MAP7D2: variants seen among roughly 807,000 people sequenced by gnomAD.
The protein encoded by MAP7D2 is MAP7 domain containing 2.
Under a neutral mutation model 63.5 loss-of-function variants are expected in MAP7D2, and 33 were observed. The observed-to-expected ratio is 0.52, with a 90% CI of 0.39 to 0.70. The LOEUF (loss-of-function observed/expected upper bound fraction) is 0.70. Among genes scored for constraint, MAP7D2 ranks in the 30% least tolerant of loss-of-function variants. MAP7D2 has a pLI of 0.00. For missense variants in MAP7D2, 626 were observed against 604.0 expected, an observed-to-expected ratio of 1.04 and a Z score of -0.38; for synonymous variants, 224 against 223.7, an observed-to-expected ratio of 1.00 and a Z score of -0.01.
chrX:20,047,329 A>G (rs1029580068), intron 6 of MAP7D2, among the ~76,000 whole-genome samples: 4 of 112,122 alleles, frequency 3.6e-5, no homozygotes, highest in African/African-American at 1.3e-4. Context: ...AGGGAACCAC[A>G]TGAGCCCTTG....
At chrX:20,048,809 G>C (rs1216846331) in intron 6 of MAP7D2, among the ~76,000 whole-genome samples, 1 of 109,653 alleles carries the variant, frequency 9.1e-6, no homozygotes, top group Non-Finnish European at 1.9e-5. Flanking sequence ...TGTGCCTGTA[G>C]TCCCAGCTAC....
chrX:20,042,112 G>T (rs183830807), intron 8 of MAP7D2, among the ~76,000 whole-genome samples: 1 of 111,072 alleles, frequency 9.0e-6, no homozygotes, highest in Non-Finnish European at 1.9e-5. Flanking sequence ...AGTTATTATT[G>T]TCTCTCTATT....
At chrX:20,099,114 C>T (rs1003785207) in intron 1 of MAP7D2, among the ~76,000 whole-genome samples, 3 of 112,606 alleles carry the variant, frequency 2.7e-5, no homozygotes, top group East Asian at 5.5e-4. Flanking sequence ...CACAGTACCT[C>T]CTATCCTGAG....
chrX:20,099,737 G>T (rs1192447340), intron 1 of MAP7D2, among the ~76,000 whole-genome samples: 1 of 112,050 alleles, frequency 8.9e-6, no homozygotes, highest in Non-Finnish European at 1.9e-5. Context: ...AGAGTCCAAG[G>T]AAAAGGAAAA....
intron 11 of MAP7D2, among the ~76,000 whole-genome samples, chrX:20,015,645 G>A (rs749986691): frequency 8.9e-6 from 1 of 112,365 alleles, no homozygotes; most frequent in East Asian, 2.8e-4. Context: ...CCCAGGGAGT[G>A]ACCTTCTACT....
chrX:20,024,742 C>T (rs964223456), intron 10 of MAP7D2, among the ~76,000 whole-genome samples: 13 of 111,894 alleles, frequency 1.2e-4, no homozygotes, highest in South Asian at 1.1e-3. Flanking sequence ...TCCAGGTCCT[C>T]CGAAAAGAAC....
At chrX:20,070,176 T>C (rs2065466106) in intron 1 of MAP7D2, among the ~76,000 whole-genome samples, 1 of 111,698 alleles carries the variant, frequency 9.0e-6, no homozygotes, top group African/African-American at 3.2e-5. Flanking sequence ...CTCAAACTCC[T>C]GACCTCGTAA....
At chrX:20,111,150 G>C (rs948361593) in intron 1 of MAP7D2, among the ~76,000 whole-genome samples, 11 of 111,586 alleles carry the variant, frequency 9.9e-5, no homozygotes, top group African/African-American at 3.6e-4. Flanking sequence ...GCTCCCAGCA[G>C]ACCAGCAGAC....
chrX:20,027,419 G>A (rs1340251122), intron 8 of MAP7D2, among the ~76,000 whole-genome samples: 4 of 111,379 alleles, frequency 3.6e-5, no homozygotes, highest in East Asian at 2.8e-4. Context: ...CCCCTGCCCC[G>A]CCATACATAT....
At chrX:20,025,612 A>G in intron 9 of MAP7D2, 69 bp downstream of exon 9, 1 of 1,149,095 alleles carries the variant, frequency 8.7e-7, no homozygotes, top group South Asian at 2.0e-5. Context: ...AAAACATGAG[A>G]GAATGGCACG....
At chrX:20,114,089 AGTGGCGC>A (rs1355878196) in intron 1 of MAP7D2, among the ~76,000 whole-genome samples, 1 of 112,029 alleles carries the variant, frequency 8.9e-6, no homozygotes, top group Non-Finnish European at 1.9e-5. Flanking sequence ...GCTGGAGTAC[AGTGGCGC>A]GAGGTCAGCT....
In MAP7D2 at chrX:20,016,163, A is replaced by G. The variant is rs370410074; in HGVS notation, c.1575T>C (p.Ala525=). ...RKAGEEAKRK[A]EEELLLKEKQ... is the part of the protein sequence containing the mutation. ...TTTCTTTCAACAACAGCTCCTCCTC[A>G]GCCTTCCGCTTGGCCTCCTCGCCTG... The change falls in exon 11 of 17, where the codon GCT becomes GCC. Residue 525 remains alanine, a synonymous_variant. Transcript: ENST00000379643. The G allele has an allele frequency of 1.7e-6, 2 of 1,198,743 alleles. No homozygotes were observed. Among genetic ancestry groups the G allele is most frequent in the African/African-American group, 3.5e-5 (2 of 56,904 alleles).
intron 11 of MAP7D2, among the ~76,000 whole-genome samples, chrX:20,015,539 C>A (rs748628976): frequency 5.1e-4 from 58 of 112,706 alleles, no homozygotes; most frequent in Non-Finnish European, 9.4e-4. Context: ...TGCAAATCAC[C>A]TGCAGACAGT....
chrX:20,094,538 A>G (rs867481860), intron 1 of MAP7D2, among the ~76,000 whole-genome samples: 124 of 9,138 alleles, frequency 0.014, 9 homozygotes, highest in South Asian at 0.025. Context: ...ATATATATAT[A>G]TATGTATATA....
At chrX:20,096,081 C>CAAAAAAAAA (rs1208579984) in intron 1 of MAP7D2, among the ~76,000 whole-genome samples, 1 of 14,898 alleles carries the variant, frequency 6.7e-5, no homozygotes, top group Non-Finnish European at 1.2e-4. Context: ...GACTCTTCCT[C>CAAAAAAAAA]AAAAAAAAAA....
chrX:20,014,629 A>G (rs1260169703), intron 12 of MAP7D2, among the ~76,000 whole-genome samples: 1 of 112,122 alleles, frequency 8.9e-6, no homozygotes, highest in Admixed American at 9.5e-5. Flanking sequence ...ACTAGAGACA[A>G]AGGCATATCA....
At chrX:20,060,269 C>T (rs1006315334) in intron 3 of MAP7D2, among the ~76,000 whole-genome samples, 1 of 110,293 alleles carries the variant, frequency 9.1e-6, no homozygotes, top group African/African-American at 3.3e-5. Flanking sequence ...ATCCACCTGC[C>T]TTGGCTCCCC....
At chrX:20,106,568 T>C (rs2066571791) in intron 1 of MAP7D2, among the ~76,000 whole-genome samples, 2 of 112,051 alleles carry the variant, frequency 1.8e-5, no homozygotes, top group South Asian at 7.4e-4. Context: ...CCCTGCGTGA[T>C]GGAAATGCTC....
At chrX:20,025,493 AG>A (rs1193381290) in intron 9 of MAP7D2, among the ~76,000 whole-genome samples, 187 bp downstream of exon 9, 1 of 111,855 alleles carries the variant, frequency 8.9e-6, no homozygotes, top group Non-Finnish European at 1.9e-5. Flanking sequence ...GATTTCCTCC[AG>A]GGGACCCTCA....
Sources: allele counts gnomAD v4.1 joint callset (sites outside exome capture counted in the v4.1 genomes callset), GRCh38; gene constraint gnomAD v4.1.1; transcripts MANE v1.5; gene names NCBI Gene and HGNC (gene_info 2026-07-23, HGNC 2026-07-21).